Variants in SYT16 observed in about 807,000 individuals in gnomAD.
SYT16 encodes the protein synaptotagmin-16.
Under a neutral mutation model 61.4 loss-of-function variants are expected in SYT16, and 42 were observed. The ratio of observed to expected loss-of-function variants is 0.68; its 90% CI spans 0.53 to 0.89. The LOEUF (loss-of-function observed/expected upper bound fraction) is 0.89, where lower values mean the gene tolerates loss of function less well. SYT16 is among the 40% of genes least tolerant of loss of function. The pLI is 0.00. For synonymous variants in SYT16, 314 were observed against 302.3 expected, an observed-to-expected ratio of 1.04 and a Z score of -0.40; for missense variants, 804 against 807.3, an observed-to-expected ratio of 1.00 and a Z score of 0.05.
At chr14:61,834,767 A>G (rs2046071391) in intron 1 of SYT16, among the ~76,000 whole-genome samples, 1 of 152,126 alleles carries the variant, frequency 6.6e-6, no homozygotes, top group Admixed American at 6.6e-5. Flanking sequence ...CAGATCACCC[A>G]TCCATCTATC....
intron 1 of SYT16, among the ~76,000 whole-genome samples, chr14:61,868,171 C>G (rs1278790711): frequency 6.6e-6 from 1 of 151,798 alleles, no homozygotes; most frequent in Admixed American, 6.6e-5. Context: ...GAAGGGTAGT[C>G]TGGGAAGGAT....
intron 1 of SYT16, among the ~76,000 whole-genome samples, chr14:61,822,920 C>T (rs1239173167): frequency 3.3e-5 from 5 of 152,128 alleles, no homozygotes; most frequent in Non-Finnish European, 7.3e-5. Flanking sequence ...TTTAGGGTAC[C>T]TTGCCAATGT....
chr14:61,986,567 C>T (rs1334327018), intron 2 of SYT16, among the ~76,000 whole-genome samples: 1 of 151,846 alleles, frequency 6.6e-6, no homozygotes, highest in Non-Finnish European at 1.5e-5. Flanking sequence ...TCGTCATTTA[C>T]ATTAGGTATA....
chr14:61,910,137 A>G lies in SYT16; in HGVS notation c.-324-59995A>G, dbSNP rs545340664. ...TTACTTGCTATCATTGCTATCATTC[A>G]TATCCATATAAATATATGCCCTCCA... On this transcript the variant is annotated intron_variant, in intron 1 of 7. Coordinates refer to ENST00000683842, the MANE Select transcript of SYT16 (RefSeq NM_001367656.1). Among the ~76,000 whole-genome samples the G allele has an allele frequency of 4.9e-4, 75 of 152,336 alleles. No individual in the cohort carries two copies. The Middle Eastern group carries it at 0.027, about 55-fold the overall frequency.
chr14:61,916,516 A>C (rs2049127377), intron 1 of SYT16, among the ~76,000 whole-genome samples: 1 of 152,120 alleles, frequency 6.6e-6, no homozygotes, highest in South Asian at 2.1e-4. Context: ...ATACATACAT[A>C]CTATGTATAA....
At chr14:62,075,602 G>A (rs1184591294) in intron 5 of SYT16, among the ~76,000 whole-genome samples, 5 of 108,808 alleles carry the variant, frequency 4.6e-5, no homozygotes, top group Admixed American at 8.8e-5. Context: ...AAGGATGAAC[G>A]GTAAAAAAAA....
chr14:61,992,978 A>AT (rs1446869739), intron 2 of SYT16, among the ~76,000 whole-genome samples: 1 of 151,470 alleles, frequency 6.6e-6, no homozygotes, highest in Non-Finnish European at 1.5e-5. Flanking sequence ...TTTTTACAAA[A>AT]TTTGCCATTT....
chr14:61,932,953 T>G (rs1411791474), intron 1 of SYT16, among the ~76,000 whole-genome samples: 1 of 152,222 alleles, frequency 6.6e-6, no homozygotes, highest in African/African-American at 2.4e-5. Context: ...TAGTTAGCTT[T>G]GGCTGTTTTT....
Position 61,996,048 on chromosome 14 carries a change from T to G in SYT16, c.29T>G (p.Val10Gly), listed in dbSNP as rs8019076. 6.2e-7 allele frequency: 1 copy of G among 1,605,220 alleles called. No homozygotes were observed. Among genetic ancestry groups the G allele is most frequent in the East Asian group, 2.2e-5 (1 of 44,652 alleles). Residue 10 changes from valine (V) to glycine (G), a missense_variant, in exon 3 of 8, where the codon GTT becomes GGT. Physicochemically the swap from Val to Gly is moderately radical, Grantham distance 109 (BLOSUM62 -3). Coordinates refer to ENST00000683842, the MANE Select transcript of SYT16 (RefSeq NM_001367656.1). Reference sequence around the variant, plus strand: ...GTGTTGGCCATGGCGTCTCAGGATGTTCAGAACTTCTTCCAGCCTTTCTCT... The same window carrying G: ...GTGTTGGCCATGGCGTCTCAGGATGGTCAGAACTTCTTCCAGCCTTTCTCT... MVLAMASQD[V>G]QNFFQPFSSW...
At chr14:61,927,295 C>T (rs144574433) in intron 1 of SYT16, among the ~76,000 whole-genome samples, 4 of 152,252 alleles carry the variant, frequency 2.6e-5, no homozygotes, top group Middle Eastern at 3.4e-3. Context: ...TTCCAGGTTA[C>T]GATATTCACA....
rs1191082112 is a variant in SYT16, at chr14:62,108,900, A to G, written c.*8193A>G. On this transcript the variant is annotated 3_prime_UTR_variant, in exon 8 of 8. Coordinates refer to ENST00000683842, the MANE Select transcript of SYT16 (RefSeq NM_001367656.1). ...AATAAATTTTATTTTTTAGAGTTTTAGGTTCACAGCAAAATTGATCCTAAA... is the reference window on the plus strand; with the variant it reads ...AATAAATTTTATTTTTTAGAGTTTTGGGTTCACAGCAAAATTGATCCTAAA... 1 of 152,136 alleles carries G rather than the reference A, an allele frequency of 6.6e-6. No homozygotes were observed. Among genetic ancestry groups the G allele is most frequent in the East Asian group, 1.9e-4 (1 of 5,202 alleles). 9.4% of individuals were successfully genotyped at this position (152,136 alleles called of 1,614,324 possible).
At chr14:62,096,163 AG>A (rs1200307138) in intron 7 of SYT16, among the ~76,000 whole-genome samples, 4 of 152,088 alleles carry the variant, frequency 2.6e-5, no homozygotes, top group Non-Finnish European at 4.4e-5. Flanking sequence ...GAGTTTGGGT[AG>A]GGTTTCTTTT....
chr14:61,880,789 T>C (rs1346265723), intron 1 of SYT16, among the ~76,000 whole-genome samples: 1 of 152,234 alleles, frequency 6.6e-6, no homozygotes, highest in African/African-American at 2.4e-5. Context: ...ATTATTCTTA[T>C]AGGCAGCCAG....
At chr14:61,965,507 T>C (rs1478481423) in intron 1 of SYT16, among the ~76,000 whole-genome samples, 2 of 152,152 alleles carry the variant, frequency 1.3e-5, no homozygotes, top group Non-Finnish European at 2.9e-5. Flanking sequence ...TTGAACTTAT[T>C]TCTAGTGTTC....
chr14:62,031,689 A>G (rs114701012), intron 3 of SYT16, among the ~76,000 whole-genome samples: 1,554 of 152,288 alleles, frequency 0.01, 24 homozygotes, highest in African/African-American at 0.035. Flanking sequence ...AGCAGACCTT[A>G]TGATTCATGT....
chr14:62,014,680 C>T (rs186578458), intron 3 of SYT16, among the ~76,000 whole-genome samples: 7 of 152,154 alleles, frequency 4.6e-5, no homozygotes, highest in East Asian at 1.9e-4. Context: ...GTGATCCACC[C>T]GCCTTGGCTT....
intron 3 of SYT16, among the ~76,000 whole-genome samples, chr14:62,054,448 T>C (rs1377087013): frequency 6.7e-6 from 1 of 148,954 alleles, no homozygotes; most frequent in Non-Finnish European, 1.5e-5. Flanking sequence ...GCAGCCTCAA[T>C]CTCCCAGGCT....
chr14:62,083,315 C>T (rs900697349), intron 6 of SYT16, among the ~76,000 whole-genome samples: 2 of 152,282 alleles, frequency 1.3e-5, no homozygotes, highest in East Asian at 3.9e-4. Context: ...TAAGTCAAGT[C>T]TAATGCCCTT....
chr14:62,020,363 G>T (rs1164739441), intron 3 of SYT16, among the ~76,000 whole-genome samples: 1 of 151,788 alleles, frequency 6.6e-6, no homozygotes, highest in Non-Finnish European at 1.5e-5. Flanking sequence ...ATCCATCTTT[G>T]TCACTTAATT....
Sources: allele counts gnomAD v4.1 joint callset (sites outside exome capture counted in the v4.1 genomes callset), GRCh38; gene constraint gnomAD v4.1.1; transcripts MANE v1.5; gene names NCBI Gene and HGNC (gene_info 2026-07-23, HGNC 2026-07-21).